Variants in APEX2 observed in about 807,000 individuals in gnomAD.
The protein encoded by APEX2 is DNA-(apurinic or apyrimidinic site) endonuclease 2.
A neutral mutation model predicts 16.7 loss-of-function variants in APEX2; 4 were observed. The ratio of observed to expected loss-of-function variants is 0.24; its 90% confidence interval spans 0.12 to 0.55. APEX2 has a LOEUF of 0.55. Ranked by LOEUF, APEX2 falls within the 20% of genes least tolerant of loss-of-function variation. The probability of loss-of-function intolerance (pLI) is 0.94; values close to 1 mark genes in which losing one functional copy is unlikely to be tolerated. For synonymous variants in APEX2, 181 were observed against 166.9 expected (o/e 1.08, Z -0.65); for missense variants, 357 against 433.6 (o/e 0.82, Z 1.57).
rs1461623916 is a variant in APEX2 at position 55,000,604 on chromosome X, C to T, written c.157+25C>T. The T allele has an allele frequency of 3.4e-6, 4 of 1,175,775 alleles. No homozygotes were observed. The African/African-American group carries it at 5.4e-5, about 16-fold the overall frequency. ...AGTGAGCGCTCTGGATTCCAGGATC[C>T]CTACATACTTTTTCTTTCCCGCTAA... On this transcript the variant is annotated intron_variant, in intron 1 of 5. Coordinates refer to ENST00000374987, the MANE Select transcript of APEX2 (RefSeq NM_014481.4).
In APEX2 at chrX:55,008,994, C is replaced by A. The variant is rs909946421; in HGVS notation, c.*1559C>A. ...GACCTATGGTTACCTCATAGATCTG[C>A]CACTTGTCTGAGGGAGTCAGAATGC... On this transcript the variant is annotated 3_prime_UTR_variant, in exon 6 of 6. Transcript: ENST00000374987. The A allele has an allele frequency of 5.8e-6, 3 of 513,732 alleles. No homozygotes were observed. In the African/African-American group the frequency reaches 7.2e-5, roughly 12 times the overall value. 42.3% of individuals were successfully genotyped at this position (513,732 alleles called of 1,213,427 possible).
chrX:55,007,849 T>G lies in APEX2; in HGVS notation c.*414T>G. Reference sequence around the variant, plus strand: ...CTATCTCAATACTTGGTTTGCCGGCTGGCTGTAGCCCAATGATGTAATTCC... The same window carrying G: ...CTATCTCAATACTTGGTTTGCCGGCGGGCTGTAGCCCAATGATGTAATTCC... On this transcript the variant is annotated 3_prime_UTR_variant, in exon 6 of 6. Coordinates refer to ENST00000374987, the MANE Select transcript of APEX2 (RefSeq NM_014481.4). 6.5e-5 allele frequency: 8 copies of G among 122,334 alleles called. No individual in the cohort carries two copies. Among genetic ancestry groups the G allele is most frequent in the East Asian group, 2.5e-4 (1 of 3,927 alleles). 10.1% of individuals were successfully genotyped at this position (122,334 alleles called of 1,213,427 possible).
At chrX:55,003,404 G>A in intron 4 of APEX2, among the ~76,000 whole-genome samples, 2 of 112,400 alleles carry the variant, frequency 1.8e-5, no homozygotes, top group Non-Finnish European at 3.8e-5. Context: ...ATAGTTTTAA[G>A]GGTAAAATGA....
rs754465359 is a variant in APEX2 at position 55,006,712 on chromosome X, T to C, written c.834T>C (p.Tyr278=). 6 of 1,177,319 alleles carry C rather than the reference T, an allele frequency of 5.1e-6. No homozygotes were observed. In the East Asian group the frequency reaches 1.8e-4, roughly 35 times the overall value. Residue 278 remains tyrosine (Y), a synonymous_variant, in exon 6 of 6, where the codon TAT becomes TAC. Coordinates refer to ENST00000374987, the MANE Select transcript of APEX2 (RefSeq NM_014481.4). The stretch of plus-strand genomic sequence containing the variant: ...TCAACTATGGCTCCCGGCTTGACTA[T>C]GTGCTGGGGGACAGGACCCTGGTCA... ...RHLNYGSRLD[Y]VLGDRTLVID... is the part of the protein sequence containing the mutation.
At chrX:55,005,065 C>T (rs185845902) in intron 5 of APEX2, among the ~76,000 whole-genome samples, 8 of 111,460 alleles carry the variant, frequency 7.2e-5, no homozygotes, top group African/African-American at 2.6e-4. Flanking sequence ...GAGAAGGGAC[C>T]GTGGGAATAT....
At chrX:55,005,169 G>A (rs1048336475) in intron 5 of APEX2, among the ~76,000 whole-genome samples, 1 of 112,009 alleles carries the variant, frequency 8.9e-6, no homozygotes, top group Non-Finnish European at 1.9e-5. Flanking sequence ...AATGGTGGTG[G>A]TGGTGTGGTG....
Position 55,000,385 on chromosome X carries a change from A to C in APEX2, c.-38A>C. 2 of 1,119,819 alleles carry C rather than the reference A, an allele frequency of 1.8e-6. No homozygotes were observed. Among genetic ancestry groups the C allele is most frequent in the Non-Finnish European group, 2.4e-6 (2 of 849,573 alleles). The allele number at this position is 1,119,819 out of a possible 1,213,427, so 92.3% of individuals were successfully genotyped here. On this transcript the variant is annotated 5_prime_UTR_variant, in exon 1 of 6. Transcript: ENST00000374987. ...AACAGGAAGCAGTTCGCTCGCGCCT[A>C]GGTTGGCGCGGGCTGGGAGGTGTTC...
chrX:55,006,638 C>T lies in APEX2; in HGVS notation c.760C>T (p.Gln254Ter). The T allele has an allele frequency of 8.6e-7, 1 of 1,159,736 alleles. No individual in the cohort carries two copies. The highest frequency in any genetic ancestry group is 1.2e-6 in the Non-Finnish European group (1 of 868,541). The change falls in exon 6 of 6, where the codon CAG (glutamine) becomes TAG (stop). Residue 254 changes from glutamine (Q) to a stop codon, truncating the protein, a stop_gained. Coordinates refer to ENST00000374987, the MANE Select transcript of APEX2 (RefSeq NM_014481.4). LOFTEE classifies it low-confidence loss of function (END_TRUNC). ...IDSYRCFQPK[Q>*]EGAFTCWSAV... ...TAGCTACCGCTGCTTCCAACCAAAG[C>T]AGGAGGGGGCCTTCACCTGCTGGTC...
At position 55,006,892 on chromosome X, in the gene APEX2, G is replaced by T. The variant is rs1318218097; in HGVS notation, c.1014G>T (p.Lys338Asn). 1.1e-5 allele frequency: 13 copies of T among 1,210,293 alleles called. No individual in the cohort carries two copies. Among genetic ancestry groups the T allele is most frequent in the Non-Finnish European group, 1.5e-5 (13 of 895,289 alleles). ...CTGAGTTTGCAGGCACCCAGCTCAA[G>T]ATCCTTCGCTTCCTAGTTCCTCTCG... The part of the protein sequence containing the change: ...FLPEFAGTQL[K>N]ILRFLVPLEQ... The change falls in exon 6 of 6, where the codon AAG becomes AAT. Residue 338 changes from lysine to asparagine, a missense_variant. Physicochemically the swap from Lys to Asn is moderately conservative, Grantham distance 94 (BLOSUM62 0). Coordinates refer to ENST00000374987, the MANE Select transcript of APEX2 (RefSeq NM_014481.4).
At chrX:55,005,176 G>A (rs1018439056) in intron 5 of APEX2, among the ~76,000 whole-genome samples, 2 of 111,796 alleles carry the variant, frequency 1.8e-5, no homozygotes, top group Non-Finnish European at 3.8e-5. Context: ...GTGGTGGTGT[G>A]GTGGGGAGCG....
chrX:55,001,609 G>A lies in APEX2; in HGVS notation c.221G>A (p.Arg74His), dbSNP rs374939146. 20 of 1,202,751 alleles carry A rather than the reference G, an allele frequency of 1.7e-5. No individual in the cohort carries two copies. Among genetic ancestry groups the A allele is most frequent in the South Asian group, 7.2e-5 (4 of 55,273 alleles). Residue 74 changes from arginine to histidine, a missense_variant, in exon 2 of 6, where the codon CGC becomes CAC. Coordinates refer to ENST00000374987, the MANE Select transcript of APEX2 (RefSeq NM_014481.4). ...TATAACTCCTATTTCAGCTTCAGCC[G>A]CAACCGTAGCGGCTATTCTGGTAAA... ...EGYNSYFSFS[R>H]NRSGYSGVAT...
chrX:55,006,187 C>A (rs1355853215), intron 5 of APEX2, among the ~76,000 whole-genome samples: 1 of 109,515 alleles, frequency 9.1e-6, no homozygotes, highest in African/African-American at 3.3e-5. Context: ...TAGAGGCAAA[C>A]ACTTTTAACT....
In APEX2 at chrX:55,009,013, A is replaced by G; in HGVS notation, c.*1578A>G. 1 of 611,617 alleles carries G rather than the reference A, an allele frequency of 1.6e-6. No individual in the cohort carries two copies. The highest frequency in any genetic ancestry group is 2.5e-6 in the Non-Finnish European group (1 of 395,587). 50.4% of individuals were successfully genotyped at this position (611,617 alleles called of 1,213,427 possible). A position where few individuals can be genotyped will look rare whatever the true frequency, so the allele number is the denominator to read the frequency against. ...GATCTGCCACTTGTCTGAGGGAGTCAGAATGCACTTGTCTGTTCCCTGTCC... is the reference window on the plus strand; with the variant it reads ...GATCTGCCACTTGTCTGAGGGAGTCGGAATGCACTTGTCTGTTCCCTGTCC... On this transcript the variant is annotated 3_prime_UTR_variant, in exon 6 of 6. Transcript: ENST00000374987.
At position 55,006,843 on chromosome X, in the gene APEX2, C is replaced by T. The variant is rs751229326; in HGVS notation, c.965C>T (p.Pro322Leu). The change falls in exon 6 of 6, where the codon CCA becomes CTA. Residue 322 changes from proline (P) to leucine (L), a missense_variant. Pro to Leu is a moderately conservative substitution (Grantham distance 98). Coordinates refer to ENST00000374987, the MANE Select transcript of APEX2 (RefSeq NM_014481.4). ...TCCTCTGTGCCTGCAAAACAGTGCC[C>T]ACCTCTGTGCACCCGCTTCCTCCCT... ...SVSSVPAKQCPPLCTRFLPEF... is the reference protein window; with the variant it reads ...SVSSVPAKQCLPLCTRFLPEF... The T allele has an allele frequency of 8.3e-7, 1 of 1,211,717 alleles. No individual in the cohort carries two copies. The highest frequency in any genetic ancestry group is 1.1e-6 in the Non-Finnish European group (1 of 895,449).
intron 5 of APEX2, among the ~76,000 whole-genome samples, chrX:55,005,647 A>G (rs1935490300): frequency 9.0e-6 from 1 of 111,631 alleles, no homozygotes; most frequent in South Asian, 3.8e-4. Context: ...ACCCTAGTCC[A>G]AGTGACCATC....
rs1173736877 is a variant in APEX2 at position 55,008,693 on chromosome X, CTT to C, written c.*1260_*1261del. 1 of 117,390 alleles carries C rather than the reference CTT, an allele frequency of 8.5e-6. No homozygotes were observed. Among genetic ancestry groups the C allele is most frequent in the African/African-American group, 3.2e-5 (1 of 30,873 alleles). 9.7% of individuals were successfully genotyped at this position (117,390 alleles called of 1,213,427 possible). ...CCATATCCCCTTATGGAAAATACCT[CTT>C]TGGTTTTGGGGAACCACTCCTTTCT... On this transcript the variant is annotated 3_prime_UTR_variant, in exon 6 of 6. Coordinates refer to ENST00000374987, the MANE Select transcript of APEX2 (RefSeq NM_014481.4).
In APEX2 at chrX:55,008,850, C is replaced by T. The variant is rs704145; in HGVS notation, c.*1415C>T. 60,594 of 213,689 alleles carry T rather than the reference C, an allele frequency of 0.28. 8,695 individuals carry two copies. The highest frequency in any genetic ancestry group is 0.6 in the African/African-American group (20,387 of 33,872). 17.6% of individuals were successfully genotyped at this position (213,689 alleles called of 1,213,427 possible). ...ATTGAAACCATTGGAGAAGAGCCAT[C>T]TCAAATAAATCTGCCAAGTATCCTA... On this transcript the variant is annotated 3_prime_UTR_variant, in exon 6 of 6. Coordinates refer to ENST00000374987, the MANE Select transcript of APEX2 (RefSeq NM_014481.4).
Position 55,003,115 on chromosome X carries a change from C to T in APEX2, c.569+7C>T, listed in dbSNP as rs957054136. 2 of 1,208,538 alleles carry T rather than the reference C, an allele frequency of 1.7e-6. No individual in the cohort carries two copies. ...CCCTCCTGGCGGCAGGCAGGTACTG[C>T]AAGCCTGGGCAGTAAGGCTTCCTTG... On this transcript the variant is annotated splice_region_variant and intron_variant, in intron 4 of 5. Coordinates refer to ENST00000374987, the MANE Select transcript of APEX2 (RefSeq NM_014481.4).
chrX:55,006,536 C>T lies in APEX2; in HGVS notation c.658C>T (p.Pro220Ser). The change falls in exon 6 of 6, where the codon CCA becomes TCA. Residue 220 changes from proline to serine, a missense_variant. By Grantham distance (74) the Pro-to-Ser change is moderately conservative (BLOSUM62 -1). Transcript: ENST00000374987. ...CACCTAGGAATGCTTTGAAGAGGAC[C>T]CAGGGCGCAAGTGGATGGACAGCTT... is the stretch of plus-strand genomic sequence containing the variant. ...AVNLECFEEDPGRKWMDSLLS... is the reference protein window; with the variant it reads ...AVNLECFEEDSGRKWMDSLLS... 8.9e-7 allele frequency: 1 copy of T among 1,125,242 alleles called. No individual in the cohort carries two copies. Among genetic ancestry groups the T allele is most frequent in the Non-Finnish European group, 1.2e-6 (1 of 853,768 alleles). The allele number at this position is 1,125,242 out of a possible 1,213,427, so 92.7% of individuals were successfully genotyped here.
Sources: allele counts gnomAD v4.1 joint callset (sites outside exome capture counted in the v4.1 genomes callset), GRCh38; gene constraint gnomAD v4.1.1; transcripts MANE v1.5; gene names NCBI Gene and HGNC (gene_info 2026-07-23, HGNC 2026-07-21).